Variants in PDCD7 observed in about 807,000 individuals in gnomAD.
PDCD7 encodes programmed cell death 7, also known as programmed cell death protein 7.
PDCD7 carries 40 observed loss-of-function variants against 42.1 expected under a neutral mutation model. The observed-to-expected ratio is 0.95, with a 90% CI of 0.74 to 1.24. The LOEUF (loss-of-function observed/expected upper bound fraction) is 1.24, where lower values mean the gene tolerates loss of function less well. Among genes scored for constraint, PDCD7 ranks in the 50% most tolerant of loss-of-function variants. The pLI, the probability that PDCD7 is intolerant of heterozygous loss-of-function variation, is 0.00. For missense variants in PDCD7, 644 were observed against 662.8 expected (o/e 0.97, Z 0.31); for synonymous variants, 299 against 303.3 (o/e 0.99, Z 0.15).
Position 65,118,551 on chromosome 15 carries a change from C to A in PDCD7, c.*166G>T. On this transcript the variant is annotated 3_prime_UTR_variant, in exon 5 of 5. Transcript: ENST00000204549. ...AACCACATTAATCTGATTCAAGAGG[C>A]ACCTCTGGCCAGCACAGAGCACAGA... is the stretch of plus-strand genomic sequence containing the variant. The A allele has an allele frequency of 1.7e-6, 1 of 576,254 alleles. No individual in the cohort carries two copies. The allele number at this position is 576,254 out of a possible 1,614,324, so 35.7% of individuals were successfully genotyped here. A position where few individuals can be genotyped will look rare whatever the true frequency, so the allele number is the denominator to read the frequency against.
In PDCD7 at chr15:65,133,210, A is replaced by G; in HGVS notation, c.572T>C (p.Leu191Pro). The G allele has an allele frequency of 1.4e-6, 2 of 1,386,662 alleles. No homozygotes were observed. The highest frequency in any genetic ancestry group is 1.5e-5 in the African/African-American group (1 of 65,620). The allele number at this position is 1,386,662 out of a possible 1,614,324, so 85.9% of individuals were successfully genotyped here. The change falls in exon 1 of 5, where the codon CTG becomes CCG. Residue 191 changes from leucine (L) to proline (P), a missense_variant. By Grantham distance (98) the Leu-to-Pro change is moderately conservative. Transcript: ENST00000204549. Reference protein sequence around the residue: ...ALRLVRRLRGLSQALREAEAD... With the variant: ...ALRLVRRLRGPSQALREAEAD... The stretch of plus-strand genomic sequence containing the variant: ...TTCGGCCTCGCGCAGGGCCTGGCTC[A>G]GGCCGCGCAGCCGCCGCACCAGGCG...
intron 2 of PDCD7, among the ~76,000 whole-genome samples, chr15:65,127,217 G>A (rs1266642799): frequency 6.6e-6 from 1 of 152,092 alleles, no homozygotes; most frequent in East Asian, 1.9e-4. Flanking sequence ...CAGCACTTTG[G>A]GAGGCCGAGG....
intron 1 of PDCD7, among the ~76,000 whole-genome samples, chr15:65,131,801 T>C (rs1324525949): frequency 1.3e-5 from 2 of 151,928 alleles, no homozygotes; most frequent in East Asian, 3.9e-4. Context: ...CAATTTCCAG[T>C]TTTACCCTGG....
intron 2 of PDCD7, among the ~76,000 whole-genome samples, chr15:65,127,350 G>A (rs1206145104): frequency 1.3e-5 from 2 of 151,862 alleles, no homozygotes; most frequent in South Asian, 2.1e-4. Flanking sequence ...CCAGCTACTC[G>A]GGAGGCTGAG....
At position 65,119,866 on chromosome 15, in the gene PDCD7, A is replaced by C; in HGVS notation, c.1098T>G (p.Tyr366Ter). The C allele has an allele frequency of 6.2e-7, 1 of 1,614,032 alleles. No homozygotes were observed. ...CTCTGAGGGCTCTCTCTTCAGCTTC[A>C]TACAGTTCAGAGCGCTTTTTAATGA... ...RKLIKKRSEL[Y>*]EAEERALRVM... The change falls in exon 3 of 5, where the codon TAT becomes TAG. Residue 366 changes from tyrosine to a stop codon, truncating the protein, a stop_gained. Coordinates refer to ENST00000204549, the MANE Select transcript of PDCD7 (RefSeq NM_005707.2). LOFTEE classifies it high-confidence loss of function.
intron 2 of PDCD7, among the ~76,000 whole-genome samples, chr15:65,124,077 C>T (rs1300912487): frequency 6.6e-6 from 1 of 152,106 alleles, no homozygotes; most frequent in Non-Finnish European, 1.5e-5. Context: ...CCACATCTCT[C>T]TCGGCCCCTC....
At chr15:65,130,690 G>A (rs1258864222) in intron 1 of PDCD7, among the ~76,000 whole-genome samples, 1 of 151,978 alleles carries the variant, frequency 6.6e-6, no homozygotes, top group Non-Finnish European at 1.5e-5. Context: ...TTAAGACTCA[G>A]CTTATAGCCA....
At chr15:65,119,997 T>C (rs775959981) in intron 2 of PDCD7, 43 bp from the exon 3 acceptor site, 1 of 1,578,482 alleles carries the variant, frequency 6.3e-7, no homozygotes, top group Non-Finnish European at 8.6e-7. Context: ...ATTTTTTTTT[T>C]TGAGACAAGG....
In PDCD7 at chr15:65,118,259, T is replaced by G. The variant is rs1595925790; in HGVS notation, c.*458A>C. 1 of 152,954 alleles carries G rather than the reference T, an allele frequency of 6.5e-6. No homozygotes were observed. The highest frequency in any genetic ancestry group is 1.9e-4 in the East Asian group (1 of 5,214). The allele number at this position is 152,954 out of a possible 1,614,324, so 9.5% of individuals were successfully genotyped here. A position where few individuals can be genotyped will look rare whatever the true frequency, so the allele number is the denominator to read the frequency against. ...CATTTTTGACCTTTCTTCCTAGAAG[T>G]CAAAGGGCTCTTCAGGTAGGAAAGG... On this transcript the variant is annotated 3_prime_UTR_variant, in exon 5 of 5. Coordinates refer to ENST00000204549, the MANE Select transcript of PDCD7 (RefSeq NM_005707.2).
Position 65,118,754 on chromosome 15 carries a change from C to CTGGGGAGCGGGGGAAGGACCCATCCT in PDCD7, c.1395_1420dup (p.Ser474LysfsTer38). Reference sequence around the variant, plus strand: ...AACAGCAGTTGCCCAGATGTCGTTGCTGGGGAGCGGGGGAAGGACCCATCC... The same window carrying CTGGGGAGCGGGGGAAGGACCCATCCT: ...AACAGCAGTTGCCCAGATGTCGTTGCTGGGGAGCGGGGGAAGGACCCATCCTTGGGGAGCGGGGGAAGGACCCATCC... On this transcript the variant is annotated frameshift_variant, in exon 5 of 5. Coordinates refer to ENST00000204549, the MANE Select transcript of PDCD7 (RefSeq NM_005707.2). LOFTEE classifies it high-confidence loss of function. The CTGGGGAGCGGGGGAAGGACCCATCCT allele has an allele frequency of 1.2e-6, 2 of 1,609,230 alleles. No homozygotes were observed. Among genetic ancestry groups the CTGGGGAGCGGGGGAAGGACCCATCCT allele is most frequent in the Non-Finnish European group, 1.7e-6 (2 of 1,178,048 alleles).
chr15:65,132,962 T>C lies in PDCD7; in HGVS notation c.820A>G (p.Ile274Val). 1 of 1,606,382 alleles carries C rather than the reference T, an allele frequency of 6.2e-7. No homozygotes were observed. The highest frequency in any genetic ancestry group is 1.1e-5 in the South Asian group (1 of 91,080). ...ACACACTTCACCCTCCAGCGGTCAATCTCCTGCTCGCGTTCCACTGCCCGC... is the reference window on the plus strand; with the variant it reads ...ACACACTTCACCCTCCAGCGGTCAACCTCCTGCTCGCGTTCCACTGCCCGC... ...AARAVEREQE[I>V]DRWRVKCVQE... Residue 274 changes from isoleucine (I) to valine (V), a missense_variant, in exon 1 of 5, where the codon ATT becomes GTT. Coordinates refer to ENST00000204549, the MANE Select transcript of PDCD7 (RefSeq NM_005707.2).
At chr15:65,129,790 T>C (rs2087524684) in intron 1 of PDCD7, among the ~76,000 whole-genome samples, 1 of 152,122 alleles carries the variant, frequency 6.6e-6, no homozygotes, top group Admixed American at 6.6e-5. Flanking sequence ...CATAATGGCA[T>C]GTGTCCCTAG....
Position 65,118,796 on chromosome 15 carries a change from C to T in PDCD7, c.1379G>A (p.Gly460Asp). ...QYLVPSDHPK[G>D]NFVPQGWVLP... ...GACCCATCCTTGGGGAACGAAGTTG[C>T]CTTTGGGATGATCGGATGGCACCAG... Residue 460 changes from glycine (G) to aspartate (D), a missense_variant, in exon 5 of 5, where the codon GGC becomes GAC. By Grantham distance (94) the Gly-to-Asp change is moderately conservative. Transcript: ENST00000204549. The T allele has an allele frequency of 6.2e-7, 1 of 1,610,752 alleles. No individual in the cohort carries two copies. The highest frequency in any genetic ancestry group is 8.5e-7 in the Non-Finnish European group (1 of 1,178,668).
chr15:65,119,092 C>T, intron 4 of PDCD7: 1 of 468,912 alleles, frequency 2.1e-6, no homozygotes, highest in Non-Finnish European at 3.7e-6. Context: ...TTTACAGATT[C>T]TGTATTTGCA....
chr15:65,133,497 A>G lies in PDCD7; in HGVS notation c.285T>C (p.Cys95=). 1 of 1,225,150 alleles carries G rather than the reference A, an allele frequency of 8.2e-7. No homozygotes were observed. The allele number at this position is 1,225,150 out of a possible 1,614,324, so 75.9% of individuals were successfully genotyped here. ...CGGCGTCGGTCCCCGGGAAGGGCCGACACTGGGGCGGCGGAGGAGGCAGCG... is the reference window on the plus strand; with the variant it reads ...CGGCGTCGGTCCCCGGGAAGGGCCGGCACTGGGGCGGCGGAGGAGGCAGCG... The part of the protein sequence containing the change: ...PPPLPPPPPQ[C]RPFPGTDAGE... Residue 95 remains cysteine (C), a synonymous_variant, in exon 1 of 5, where the codon TGT becomes TGC. Transcript: ENST00000204549.
In PDCD7 at chr15:65,119,835, G is replaced by A. The variant is rs778972661; in HGVS notation, c.1129C>T (p.Leu377=). 6.2e-7 allele frequency: 1 copy of A among 1,613,540 alleles called. No homozygotes were observed. Among genetic ancestry groups the A allele is most frequent in the Admixed American group, 1.7e-5 (1 of 59,966 alleles). Residue 377 remains leucine, a synonymous_variant, in exon 3 of 5, where the codon CTA becomes TTA. Coordinates refer to ENST00000204549, the MANE Select transcript of PDCD7 (RefSeq NM_005707.2). ...CTCTCTTCCTCTTGTTCTCCTTCTA[G>A]CATAACTCTGAGGGCTCTCTCTTCA... The part of the protein sequence containing the change: ...EAEERALRVM[L]EGEQEEERKR...
intron 2 of PDCD7, among the ~76,000 whole-genome samples, chr15:65,121,082 T>C (rs897369169): frequency 2.8e-5 from 4 of 140,996 alleles, no homozygotes; most frequent in African/African-American, 8.0e-5. Flanking sequence ...TGAGATGGAG[T>C]TTCATTCTTG....
intron 1 of PDCD7, 151 bp from the exon 2 acceptor site, chr15:65,129,321 A>G: frequency 2.4e-6 from 2 of 816,864 alleles, no homozygotes; most frequent in South Asian, 1.7e-5. Flanking sequence ...TAGGCCTTGC[A>G]CAACTCCCCT....
rs1384966855 is a variant in PDCD7 at position 65,133,176 on chromosome 15, G to A, written c.606C>T (p.Gly202=). 4.1e-6 allele frequency: 6 copies of A among 1,456,132 alleles called. No individual in the cohort carries two copies. The highest frequency in any genetic ancestry group is 4.5e-6 in the Non-Finnish European group (5 of 1,115,102). The allele number at this position is 1,456,132 out of a possible 1,614,324, so 90.2% of individuals were successfully genotyped here. ...GGGAGTACAGCAGGACCCAGGCCGCGCCGTCGGCTTCGGCCTCGCGCAGGG... is the reference window on the plus strand; with the variant it reads ...GGGAGTACAGCAGGACCCAGGCCGCACCGTCGGCTTCGGCCTCGCGCAGGG... ...SQALREAEAD[G]AAWVLLYSQT... Residue 202 remains glycine (G), a synonymous_variant, in exon 1 of 5, where the codon GGC becomes GGT. Transcript: ENST00000204549.
Sources: gnomAD v4.1 joint callset for allele counts (sites outside exome capture counted in the v4.1 genomes callset) on GRCh38, gnomAD v4.1.1 for gene constraint, MANE v1.5 for transcripts, NCBI Gene and HGNC (gene_info 2026-07-23, HGNC 2026-07-21) for gene names.